Variants in RIBC2 observed in about 807,000 individuals in gnomAD.
RIBC2 encodes the protein RIB43A domain with coiled-coils 2, also known as RIB43A-like with coiled-coils protein 2.
Under a neutral mutation model 44.3 loss-of-function variants are expected in RIBC2, and 40 were observed. The observed-to-expected ratio is 0.90, with a 90% CI of 0.70 to 1.18. The LOEUF (loss-of-function observed/expected upper bound fraction) is 1.18, where lower values mean the gene tolerates loss of function less well. Ranked by LOEUF, RIBC2 falls within the 50% of genes most tolerant of loss-of-function variation. The pLI, the probability that RIBC2 is intolerant of heterozygous loss-of-function variation, is 0.00. For missense variants in RIBC2, 459 were observed against 485.5 expected, an observed-to-expected ratio of 0.95 and a Z score of 0.51; for synonymous variants, 171 against 175.0, an observed-to-expected ratio of 0.98 and a Z score of 0.18.
intron 5 of RIBC2, among the ~76,000 whole-genome samples, chr22:45,429,199 C>T (rs2087558376): frequency 6.6e-6 from 1 of 152,140 alleles, no homozygotes; most frequent in Non-Finnish European, 1.5e-5. Flanking sequence ...CGGGTGGGGC[C>T]TGCAGTCTGT....
At chr22:45,429,215 C>T (rs1043201100) in intron 5 of RIBC2, among the ~76,000 whole-genome samples, 9 of 152,116 alleles carry the variant, frequency 5.9e-5, no homozygotes, top group South Asian at 4.1e-4. Context: ...TCTGTGGTTT[C>T]GAAAGCCCCC....
chr22:45,422,178 C>T (rs971187768), intron 3 of RIBC2, 112 bp from the exon 4 acceptor site: 17 of 741,876 alleles, frequency 2.3e-5, no homozygotes, highest in Admixed American at 7.7e-5. Context: ...TTATTGTTCC[C>T]GTCCTCATGC....
intron 2 of RIBC2, 73 bp downstream of exon 2, chr22:45,414,476 C>T (rs2087398924): frequency 4.0e-6 from 4 of 988,304 alleles, no homozygotes; most frequent in Admixed American, 6.3e-5. Context: ...CCCCACCGTC[C>T]CCCTGCCCCG....
rs746867890 is a variant in RIBC2 at position 45,425,940 on chromosome 22, C to T, written c.676-8C>T. On this transcript the variant is annotated splice_region_variant and splice_polypyrimidine_tract_variant and intron_variant, in intron 4 of 6. Transcript: ENST00000614167. Reference sequence around the variant, plus strand: ...GGACCATCTTCTTTAATGTCTTCACCTGCTTAGGCCATCGAGTCAGTGGAA... The same window carrying T: ...GGACCATCTTCTTTAATGTCTTCACTTGCTTAGGCCATCGAGTCAGTGGAA... 6.2e-7 allele frequency: 1 copy of T among 1,611,030 alleles called. No individual in the cohort carries two copies.
chr22:45,419,483 C>T (rs187795106), intron 3 of RIBC2, among the ~76,000 whole-genome samples: 135 of 152,298 alleles, frequency 8.9e-4, no homozygotes, highest in Non-Finnish European at 1.5e-3. Context: ...CCTGTAATCT[C>T]GGCATTTTGG....
rs191518443 is a variant in RIBC2 at position 45,418,926 on chromosome 22, G to A, written c.556+980G>A. Among the ~76,000 whole-genome samples the A allele has an allele frequency of 1.6e-4, 25 of 152,234 alleles. No individual in the cohort carries two copies. The East Asian group carries it at 3.7e-3, about 22-fold the overall frequency. On this transcript the variant is annotated intron_variant, in intron 3 of 6. Transcript: ENST00000614167. ...CCTCCATGTCGCCCAATCCAAGGTC[G>A]GTTTTTGACCTTCATCTGGACCTAA...
chr22:45,417,967 A>G (rs1284427701), intron 3 of RIBC2, 21 bp downstream of exon 3: 1 of 1,515,730 alleles, frequency 6.6e-7, no homozygotes, highest in African/African-American at 1.4e-5. Flanking sequence ...AGAAGAGACG[A>G]GCTGGTCTCA....
At chr22:45,414,495 T>G in intron 2 of RIBC2, 92 bp downstream of exon 2, 1 of 773,942 alleles carries the variant, frequency 1.3e-6, no homozygotes, top group Non-Finnish European at 2.0e-6. Flanking sequence ...CGCCTTTTTT[T>G]TTTTATTTTT....
chr22:45,424,753 CTTTTTTTTTTT>C (rs3071820), intron 4 of RIBC2, among the ~76,000 whole-genome samples: 2 of 124,366 alleles, frequency 1.6e-5, no homozygotes, highest in East Asian at 4.6e-4. Flanking sequence ...TTTCTTTTTT[CTTTTTTTTTTT>C]TTTTTTTGAG....
At chr22:45,430,794 C>T (rs1249156658) in intron 5 of RIBC2, 106 bp from the exon 6 acceptor site, 1 of 1,354,794 alleles carries the variant, frequency 7.4e-7, no homozygotes, top group Non-Finnish European at 9.8e-7. Context: ...TCCTCTGAGC[C>T]TCAGTTTCCC....
At chr22:45,424,307 A>G (rs915034315) in intron 4 of RIBC2, among the ~76,000 whole-genome samples, 6 of 152,156 alleles carry the variant, frequency 3.9e-5, no homozygotes, top group Non-Finnish European at 8.8e-5. Context: ...GAGGGCCTCC[A>G]GTTCTTGGGT....
At chr22:45,431,109 G>C (rs775525694) in intron 6 of RIBC2, 43 bp downstream of exon 6, 1 of 1,550,946 alleles carries the variant, frequency 6.4e-7, no homozygotes, top group South Asian at 1.2e-5. Context: ...GGACCGGGTG[G>C]AGGGACCGCG....
rs949082191 is a variant in RIBC2 at position 45,422,231 on chromosome 22, A to C, written c.557-59A>C. The C allele has an allele frequency of 2.4e-6, 3 of 1,240,940 alleles. No individual in the cohort carries two copies. The African/African-American group carries it at 4.4e-5, about 18-fold the overall frequency. The allele number at this position is 1,240,940 out of a possible 1,614,324, so 76.9% of individuals were successfully genotyped here. On this transcript the variant is annotated intron_variant, in intron 3 of 6. Coordinates refer to ENST00000614167, the MANE Select transcript of RIBC2 (RefSeq NM_015653.5). The stretch of plus-strand genomic sequence containing the variant: ...GTAGGAGGCAAAGGCACGAACGGCC[A>C]CACGTGGGAAGGTGCTCCTGTGGCC...
chr22:45,414,090 T>A, intron 1 of RIBC2, 75 bp downstream of exon 1: 3 of 1,530,676 alleles, frequency 2.0e-6, no homozygotes, highest in South Asian at 1.2e-5. Flanking sequence ...GGAAAGGAGA[T>A]GAGTTCTAGG....
In RIBC2 at chr22:45,417,762, G is replaced by GA. The variant is rs748590237; in HGVS notation, c.375dup (p.Asp126ArgfsTer9). ...ATCTGTCCGACCCCCTAGCCCTTAA[G>GA]AAAGATCTTCCAGCCCGGCAGTCAG... On this transcript the variant is annotated frameshift_variant, in exon 3 of 7. Transcript: ENST00000614167. LOFTEE classifies it high-confidence loss of function. 1 of 1,614,130 alleles carries GA rather than the reference G, an allele frequency of 6.2e-7. No homozygotes were observed. Among genetic ancestry groups the GA allele is most frequent in the Non-Finnish European group, 8.5e-7 (1 of 1,180,014 alleles).
intron 5 of RIBC2, among the ~76,000 whole-genome samples, chr22:45,428,955 G>A (rs891905528): frequency 6.6e-6 from 1 of 152,214 alleles, no homozygotes; most frequent in Non-Finnish European, 1.5e-5. Context: ...TCAGGGGGCC[G>A]AGGGTATTGG....
intron 2 of RIBC2, among the ~76,000 whole-genome samples, chr22:45,415,925 C>A (rs953452544): frequency 1.3e-5 from 2 of 152,226 alleles, no homozygotes; most frequent in African/African-American, 2.4e-5. Context: ...GTCTCGAACT[C>A]CTGACCTCAG....
In RIBC2 at chr22:45,423,398, C is replaced by T. The variant is rs192918153; in HGVS notation, c.675+990C>T. ...CCTGGGTTCATTGATCAGGTTCGCTCGTCAACTAGAACTATGGTCCCCAAA... is the reference window on the plus strand; with the variant it reads ...CCTGGGTTCATTGATCAGGTTCGCTTGTCAACTAGAACTATGGTCCCCAAA... On this transcript the variant is annotated intron_variant, in intron 4 of 6. Transcript: ENST00000614167. Among the ~76,000 whole-genome samples, 261 of 152,140 alleles carry T rather than the reference C, an allele frequency of 1.7e-3. 2 individuals carry two copies. Among genetic ancestry groups the T allele is most frequent in the African/African-American group, 6.0e-3 (250 of 41,502 alleles).
At chr22:45,424,433 C>G (rs967834484) in intron 4 of RIBC2, among the ~76,000 whole-genome samples, 15 of 152,250 alleles carry the variant, frequency 9.9e-5, no homozygotes, top group African/African-American at 3.6e-4. Flanking sequence ...GCAGGCCACC[C>G]ACTGCGTCCA....
Sources: gnomAD v4.1 joint callset for allele counts (sites outside exome capture counted in the v4.1 genomes callset) on GRCh38, gnomAD v4.1.1 for gene constraint, MANE v1.5 for transcripts, NCBI Gene and HGNC (gene_info 2026-07-23, HGNC 2026-07-21) for gene names.